DNAAF6: variants seen among roughly 807,000 people sequenced by gnomAD.
DNAAF6 encodes dynein axonemal assembly factor 6.
In DNAAF6, 3 loss-of-function variants were observed where a neutral mutation model predicts 13.7. The observed-to-expected ratio is 0.22, with a 90% CI of 0.10 to 0.56. DNAAF6 has a LOEUF of 0.56. Among genes scored for constraint, DNAAF6 ranks in the 20% least tolerant of loss-of-function variants. The probability of loss-of-function intolerance (pLI) is 0.92; values close to 1 mark genes in which losing one functional copy is unlikely to be tolerated. For missense variants in DNAAF6, 130 were observed against 151.0 expected, an observed-to-expected ratio of 0.86 and a Z score of 0.73; for synonymous variants, 54 against 49.2, an observed-to-expected ratio of 1.10 and a Z score of -0.41.
intron 5 of DNAAF6, among the ~76,000 whole-genome samples, chrX:107,237,173 A>T (rs1464274557): frequency 1.8e-5 from 2 of 112,384 alleles, no homozygotes; most frequent in African/African-American, 6.5e-5. Context: ...CAAACACATT[A>T]TATTGCAAAA....
intron 4 of DNAAF6, among the ~76,000 whole-genome samples, chrX:107,221,968 A>G (rs1048264319): frequency 9.1e-6 from 1 of 110,047 alleles, no homozygotes; most frequent in Non-Finnish European, 1.9e-5. Flanking sequence ...GTTTCATTCT[A>G]TCTGAAGAGA....
intron 5 of DNAAF6, among the ~76,000 whole-genome samples, chrX:107,228,914 C>T (rs779354946): frequency 9.1e-6 from 1 of 110,381 alleles, no homozygotes; most frequent in South Asian, 3.9e-4. Context: ...GGCCCCCATG[C>T]CCAGCTGATT....
rs768372176 is a variant in DNAAF6 at position 107,229,127 on chromosome X, C to CTTTTT, written c.429+6310_429+6314dup. Reference sequence around the variant, plus strand: ...GCAGCATTCCACCCTGTTGACTACTCTTTTTTTTTTTTTTTTTTTTTTTTT... The same window carrying CTTTTT: ...GCAGCATTCCACCCTGTTGACTACTCTTTTTTTTTTTTTTTTTTTTTTTTTTTTTT... On this transcript the variant is annotated intron_variant, in intron 5 of 6. Coordinates refer to ENST00000372453, the MANE Select transcript of DNAAF6 (RefSeq NM_173494.2). Among the ~76,000 whole-genome samples the CTTTTT allele has an allele frequency of 3.5e-3, 180 of 51,586 alleles. 60 individuals carry two copies. The highest frequency in any genetic ancestry group is 0.019 in the African/African-American group (167 of 8,996). The allele number at this position is 51,586 out of a possible 115,157, so 44.8% of individuals were successfully genotyped here. A position where few individuals can be genotyped will look rare whatever the true frequency, so the allele number is the denominator to read the frequency against.
At chrX:107,240,089 T>C (rs745739468) in intron 6 of DNAAF6, among the ~76,000 whole-genome samples, 2 of 112,092 alleles carry the variant, frequency 1.8e-5, no homozygotes, top group Non-Finnish European at 3.8e-5. Flanking sequence ...CTGATGGATA[T>C]CTGTAATGAC....
intron 5 of DNAAF6, among the ~76,000 whole-genome samples, chrX:107,227,790 A>C (rs1928287531): frequency 1.8e-5 from 2 of 111,271 alleles, no homozygotes; most frequent in African/African-American, 6.5e-5. Flanking sequence ...TTATGGAAGT[A>C]ATATATATGT....
chrX:107,225,613 T>C (rs926183729), intron 5 of DNAAF6, among the ~76,000 whole-genome samples: 1 of 111,168 alleles, frequency 9.0e-6, no homozygotes, highest in East Asian at 2.8e-4. Flanking sequence ...AGTAAGGCAA[T>C]AGGAGTACAA....
intron 1 of DNAAF6, among the ~76,000 whole-genome samples, chrX:107,208,845 C>CT (rs1248266637): frequency 8.9e-6 from 1 of 111,865 alleles, no homozygotes; most frequent in East Asian, 2.8e-4. Context: ...CCAAAAGACA[C>CT]TTTTTTTGAT....
chrX:107,222,277 A>G (rs1041560829), intron 4 of DNAAF6, among the ~76,000 whole-genome samples: 12 of 111,673 alleles, frequency 1.1e-4, no homozygotes, highest in Non-Finnish European at 1.9e-5. Context: ...TGACTTGACC[A>G]AGGTCCACAG....
chrX:107,218,137 G>C (rs1421252903), intron 3 of DNAAF6, among the ~76,000 whole-genome samples: 2 of 112,062 alleles, frequency 1.8e-5, no homozygotes, highest in East Asian at 5.6e-4. Context: ...ACCTAATGCA[G>C]GTCTCCACCG....
intron 6 of DNAAF6, among the ~76,000 whole-genome samples, chrX:107,239,643 T>C (rs754591813): frequency 2.0e-3 from 228 of 111,503 alleles, no homozygotes; most frequent in African/African-American, 7.0e-3. Context: ...AGCTTAGGAC[T>C]TCAAGAAAAT....
At chrX:107,237,063 G>A (rs1018201111) in intron 5 of DNAAF6, among the ~76,000 whole-genome samples, 3 of 111,687 alleles carry the variant, frequency 2.7e-5, no homozygotes, top group African/African-American at 6.5e-5. Context: ...AATGTTAACC[G>A]TAGTATTTAG....
At chrX:107,229,117 G>A (rs1223288488) in intron 5 of DNAAF6, among the ~76,000 whole-genome samples, 1 of 67,020 alleles carries the variant, frequency 1.5e-5, no homozygotes, top group Non-Finnish European at 2.6e-5. Flanking sequence ...ATTCCACCCT[G>A]TTGACTACTC....
intron 5 of DNAAF6, among the ~76,000 whole-genome samples, chrX:107,230,634 G>C (rs1194871791): frequency 8.9e-6 from 1 of 112,158 alleles, no homozygotes; most frequent in African/African-American, 3.2e-5. Flanking sequence ...AGTGAGCAGA[G>C]ATCACGCCAT....
At position 107,222,900 on chromosome X, in the gene DNAAF6, C is replaced by T. The variant is rs935316355; in HGVS notation, c.429+59C>T. ...CAACCATTGTAGCTAAATTGACTGA[C>T]TATTATTTACATAATATTGTAGGCA... On this transcript the variant is annotated intron_variant, in intron 5 of 6. Transcript: ENST00000372453. 4 of 1,140,916 alleles carry T rather than the reference C, an allele frequency of 3.5e-6. No individual in the cohort carries two copies. In the African/African-American group the frequency reaches 5.5e-5, roughly 16 times the overall value. 94.0% of individuals were successfully genotyped at this position (1,140,916 alleles called of 1,213,427 possible).
rs1928674020 is a variant in DNAAF6, at chrX:107,243,801, T to C, written c.*503T>C. On this transcript the variant is annotated 3_prime_UTR_variant, in exon 7 of 7. Transcript: ENST00000372453. The stretch of plus-strand genomic sequence containing the variant: ...CATGGTCAATTACATAATTGAAATA[T>C]GATCATGAAATGGTTGGTCCACTTA... The C allele has an allele frequency of 8.8e-6, 1 of 113,457 alleles. No homozygotes were observed. Among genetic ancestry groups the C allele is most frequent in the Admixed American group, 9.4e-5 (1 of 10,684 alleles). The allele number at this position is 113,457 out of a possible 1,213,427, so 9.4% of individuals were successfully genotyped here. A position where few individuals can be genotyped will look rare whatever the true frequency, so the allele number is the denominator to read the frequency against.
rs1569371313 is a variant in DNAAF6, at chrX:107,212,861, C to CT, written c.-3-7dup. On this transcript the variant is annotated splice_polypyrimidine_tract_variant and intron_variant, in intron 1 of 6. Coordinates refer to ENST00000372453, the MANE Select transcript of DNAAF6 (RefSeq NM_173494.2). ...AAGTAAAATACCTCTTTCTGATTATCTTTTTCTTCAGATAATGGAATCTGA... is the reference window on the plus strand; with the variant it reads ...AAGTAAAATACCTCTTTCTGATTATCTTTTTTCTTCAGATAATGGAATCTGA... 3 of 1,164,240 alleles carry CT rather than the reference C, an allele frequency of 2.6e-6. No individual in the cohort carries two copies. The highest frequency in any genetic ancestry group is 3.4e-6 in the Non-Finnish European group (3 of 872,859).
chrX:107,233,957 T>C (rs1376333466), intron 5 of DNAAF6, among the ~76,000 whole-genome samples: 1 of 111,822 alleles, frequency 8.9e-6, no homozygotes, highest in Admixed American at 9.5e-5. Flanking sequence ...CTTGTGGTTA[T>C]TGACAAATAG....
intron 3 of DNAAF6, among the ~76,000 whole-genome samples, chrX:107,218,190 T>C (rs1291965684): frequency 8.9e-6 from 1 of 111,974 alleles, no homozygotes; most frequent in East Asian, 2.8e-4. Flanking sequence ...GGTTTTTGCA[T>C]GCCTACTGGA....
intron 1 of DNAAF6, among the ~76,000 whole-genome samples, chrX:107,208,527 A>G (rs1162249568): frequency 9.3e-6 from 1 of 108,066 alleles, no homozygotes; most frequent in Non-Finnish European, 1.9e-5. Flanking sequence ...GAAATATTAA[A>G]TCAAAAGACG....
Sources: allele counts gnomAD v4.1 joint callset (sites outside exome capture counted in the v4.1 genomes callset), GRCh38; gene constraint gnomAD v4.1.1; transcripts MANE v1.5; gene names NCBI Gene and HGNC (gene_info 2026-07-23, HGNC 2026-07-21).